Variants in CCDC88A observed in about 807,000 individuals in gnomAD.
CCDC88A encodes the protein girdin.
A neutral mutation model predicts 234.3 loss-of-function variants in CCDC88A; 54 were observed. The ratio of observed to expected loss-of-function variants is 0.23; its 90% CI spans 0.19 to 0.29. The LOEUF is 0.29. Among genes scored for constraint, CCDC88A ranks in the 10% least tolerant of loss-of-function variants. The pLI is 1.00. For missense variants in CCDC88A, 1,832 were observed against 2,123.4 expected (o/e 0.86, Z 2.70); for synonymous variants, 753 against 737.8 (o/e 1.02, Z -0.33).
At chr2:55,358,592 T>TA (rs1470745093) in intron 7 of CCDC88A, among the ~76,000 whole-genome samples, 1 of 152,152 alleles carries the variant, frequency 6.6e-6, no homozygotes, top group African/African-American at 2.4e-5. Flanking sequence ...CTGCTATCAT[T>TA]ACTTCCAGTA....
intron 2 of CCDC88A, among the ~76,000 whole-genome samples, chr2:55,399,103 A>G (rs930854303): frequency 5.3e-5 from 8 of 152,202 alleles, no homozygotes; most frequent in Non-Finnish European, 1.5e-5. Context: ...ATACAGGAGC[A>G]TAAAAAAGAT....
chr2:55,374,048 A>G (rs767526604), intron 4 of CCDC88A, among the ~76,000 whole-genome samples: 1 of 152,202 alleles, frequency 6.6e-6, no homozygotes, highest in Non-Finnish European at 1.5e-5. Flanking sequence ...ACTGCCTCTC[A>G]TCTTTCCATT....
intron 2 of CCDC88A, among the ~76,000 whole-genome samples, chr2:55,412,675 C>T (rs1028853406): frequency 3.3e-5 from 5 of 152,022 alleles, no homozygotes; most frequent in African/African-American, 1.2e-4. Context: ...GTCCTTGCTG[C>T]CAAAAAGGTT....
intron 2 of CCDC88A, among the ~76,000 whole-genome samples, chr2:55,401,429 G>C: frequency 4.2e-5 from 1 of 23,888 alleles, no homozygotes; most frequent in African/African-American, 1.2e-4. Flanking sequence ...GAAAGACTCT[G>C]TCTCCAAAAA....
intron 17 of CCDC88A, among the ~76,000 whole-genome samples, chr2:55,324,886 T>A (rs950704606): frequency 1.3e-5 from 2 of 152,214 alleles, no homozygotes; most frequent in Non-Finnish European, 2.9e-5. Context: ...CCTCAAGTGA[T>A]ACACCTGCCT....
At chr2:55,323,315 T>A (rs1558666947) in intron 17 of CCDC88A, 1 of 152,210 alleles carries the variant, frequency 6.6e-6, no homozygotes, top group Non-Finnish European at 1.5e-5. Flanking sequence ...GAGATTCTTA[T>A]AATAAATTTT....
At chr2:55,327,265 A>G (rs563393204) in intron 17 of CCDC88A, among the ~76,000 whole-genome samples, 1 of 152,334 alleles carries the variant, frequency 6.6e-6, no homozygotes, top group East Asian at 1.9e-4. Context: ...GCTTATTGAA[A>G]AAAATGACTA....
At chr2:55,325,531 C>G (rs11884873) in intron 17 of CCDC88A, among the ~76,000 whole-genome samples, 5,286 of 152,176 alleles carry the variant, frequency 0.035, 279 homozygotes, top group African/African-American at 0.12. Context: ...TTCTTCTTAT[C>G]TTAGTATACT....
intron 9 of CCDC88A, among the ~76,000 whole-genome samples, chr2:55,347,206 T>C (rs903984651): frequency 1.3e-5 from 2 of 152,222 alleles, no homozygotes; most frequent in African/African-American, 4.8e-5. Context: ...GTTAATGTCA[T>C]TTGAGACAAA....
At chr2:55,404,080 T>C (rs1329510553) in intron 2 of CCDC88A, 1 of 152,212 alleles carries the variant, frequency 6.6e-6, no homozygotes, top group African/African-American at 2.4e-5. Context: ...CAATTCAGTA[T>C]AGTAAGGCTT....
chr2:55,413,909 G>A (rs10191937), intron 2 of CCDC88A, among the ~76,000 whole-genome samples: 46,029 of 151,398 alleles, frequency 0.3, 7,457 homozygotes, highest in East Asian at 0.58. Context: ...CGGTGATCAT[G>A]CCCCTGCACT....
At chr2:55,312,712 A>T (rs911261570) in intron 22 of CCDC88A, 133 bp from the exon 23 acceptor site, 6 of 637,306 alleles carry the variant, frequency 9.4e-6, no homozygotes, top group Admixed American at 5.6e-5. Context: ...CTTTTATCAG[A>T]GCATGATTAT....
chr2:55,333,076 A>T (rs549403556), intron 15 of CCDC88A, among the ~76,000 whole-genome samples: 22 of 152,306 alleles, frequency 1.4e-4, no homozygotes, highest in African/African-American at 4.8e-4. Context: ...CCCTTCTCCC[A>T]GTGAAAGAGG....
intron 3 of CCDC88A, among the ~76,000 whole-genome samples, chr2:55,376,272 C>G (rs1340544712): frequency 1.3e-5 from 2 of 152,176 alleles, no homozygotes; most frequent in Non-Finnish European, 2.9e-5. Flanking sequence ...TAAGGAATAA[C>G]TATGACAGAT....
rs758656826 is a variant in CCDC88A, at chr2:55,335,395, G to A, written c.1657-231C>T. On this transcript the variant is annotated intron_variant, in intron 14 of 32. Transcript: ENST00000436346. The surrounding 1 kb of genome is among the most constrained non-coding windows in gnomAD (Gnocchi z 4.5). ...GAGGTCATTAAAGTTCATGTTTTTA[G>A]GAAGTTCACAGTTTAAAGGAACGGT... Among the ~76,000 whole-genome samples the A allele has an allele frequency of 1.4e-4, 21 of 151,848 alleles. No individual in the cohort carries two copies. The highest frequency in any genetic ancestry group is 2.5e-4 in the Non-Finnish European group (17 of 67,964).
At chr2:55,389,057 T>C (rs1037028690) in intron 2 of CCDC88A, among the ~76,000 whole-genome samples, 171 bp from the exon 3 acceptor site, 9 of 152,166 alleles carry the variant, frequency 5.9e-5, no homozygotes, top group Non-Finnish European at 1.2e-4. Flanking sequence ...ATTCCGTGCT[T>C]CTAATTAATA....
In CCDC88A at chr2:55,309,064, C is replaced by T. The variant is rs1054252400; in HGVS notation, c.4173-41G>A. ...AAATTGTTATCAGTTTAAAATTCAA[C>T]ATACAAATCCTTCACAAAAGTAGAA... On this transcript the variant is annotated intron_variant, in intron 24 of 32. Coordinates refer to ENST00000436346, the MANE Select transcript of CCDC88A (RefSeq NM_001365480.1). The surrounding 1 kb of genome is among the most constrained non-coding windows in gnomAD (Gnocchi z 5.1). 6.6e-7 allele frequency: 1 copy of T among 1,510,866 alleles called. No homozygotes were observed. Among genetic ancestry groups the T allele is most frequent in the African/African-American group, 1.4e-5 (1 of 72,504 alleles). 93.6% of individuals were successfully genotyped at this position (1,510,866 alleles called of 1,614,324 possible).
chr2:55,370,259 T>C (rs1297470306), intron 5 of CCDC88A, among the ~76,000 whole-genome samples: 1 of 152,168 alleles, frequency 6.6e-6, no homozygotes, highest in Non-Finnish European at 1.5e-5. Context: ...CTAAAAAACC[T>C]TGAATGATGT....
At chr2:55,342,214 T>C (rs2104716150) in intron 12 of CCDC88A, among the ~76,000 whole-genome samples, 1 of 152,360 alleles carries the variant, frequency 6.6e-6, no homozygotes, top group East Asian at 1.9e-4. Flanking sequence ...AAAAAATTTT[T>C]AGTGCCTTTT....
Sources: gnomAD v4.1 joint callset for allele counts (sites outside exome capture counted in the v4.1 genomes callset) on GRCh38, gnomAD v4.1.1 for gene constraint, Gnocchi (gnomAD v3.1) non-coding constraint, MANE v1.5 for transcripts, NCBI Gene and HGNC (gene_info 2026-07-23, HGNC 2026-07-21) for gene names.